The following CLPSL2 variants were observed in gnomAD, a reference collection of about 807,000 sequenced individuals.
The protein encoded by CLPSL2 is colipase like 2, also known as colipase-like protein 2.
A neutral mutation model predicts 7.9 loss-of-function variants in CLPSL2; 4 were observed. The observed-to-expected ratio is 0.50, with a 90% CI of 0.25 to 1.15. The LOEUF (loss-of-function observed/expected upper bound fraction) is 1.15, where lower values mean the gene tolerates loss of function less well. Ranked by LOEUF, CLPSL2 falls within the 50% of genes most tolerant of loss-of-function variation. The probability of loss-of-function intolerance (pLI) is 0.15; values close to 1 mark genes in which losing one functional copy is unlikely to be tolerated. For synonymous variants in CLPSL2, 67 were observed against 53.1 expected (o/e 1.26, Z -1.14); for missense variants, 132 against 136.6 (o/e 0.97, Z 0.17).
chr6:35,776,883 G>C, intron 1 of CLPSL2, 181 bp downstream of exon 1: 2 of 501,902 alleles, frequency 4.0e-6, no homozygotes, highest in Non-Finnish European at 6.7e-6. Flanking sequence ...CTTTCCCCTG[G>C]TGGCCTCAGA....
chr6:35,777,871 C>T (rs1037287822), intron 2 of CLPSL2: 3 of 717,620 alleles, frequency 4.2e-6, no homozygotes, highest in Non-Finnish European at 7.8e-6. Flanking sequence ...TCTTCAAGGG[C>T]AGGGATCGCA....
Position 35,777,543 on chromosome 6 carries a change from GC to G in CLPSL2, c.174del (p.Arg59GlyfsTer4). The G allele has an allele frequency of 1.2e-6, 2 of 1,613,642 alleles. No individual in the cohort carries two copies. Among genetic ancestry groups the G allele is most frequent in the South Asian group, 1.1e-5 (1 of 91,066 alleles). Reference sequence around the variant, plus strand: ...CTTGGACTCCGGTGGAGCCTTCTGTGCCCCCAGGGCCAGAATAACCATGATC... The same window carrying G: ...CTTGGACTCCGGTGGAGCCTTCTGTGCCCCAGGGCCAGAATAACCATGATC... Reference protein sequence around the residue: ...MDLDSGGAFCAPRARITMICL... With the variant: ...MDLDSGGAFCXPRARITMICL... On this transcript the variant is annotated frameshift_variant, in exon 2 of 3. Coordinates refer to ENST00000403376, the MANE Select transcript of CLPSL2 (RefSeq NM_207409.4). LOFTEE classifies it low-confidence loss of function (END_TRUNC).
At position 35,777,475 on chromosome 6, in the gene CLPSL2, G is replaced by T; in HGVS notation, c.101G>T (p.Cys34Phe). 6.2e-7 allele frequency: 1 copy of T among 1,613,720 alleles called. No homozygotes were observed. ...TCCCCACAGAAAATCACAGACAGGT[G>T]CTTCCACCACTCTGAGTGCTACAGT... ...PQYKKKITDR[C>F]FHHSECYSGC... is the part of the protein sequence containing the mutation. The change falls in exon 2 of 3, where the codon TGC becomes TTC. Residue 34 changes from cysteine to phenylalanine, a missense_variant. Coordinates refer to ENST00000403376, the MANE Select transcript of CLPSL2 (RefSeq NM_207409.4).
chr6:35,777,741 C>G (rs1222799057), intron 2 of CLPSL2, 160 bp downstream of exon 2: 1 of 826,070 alleles, frequency 1.2e-6, no homozygotes, highest in Non-Finnish European at 2.0e-6. Flanking sequence ...CAACTCCAGC[C>G]ACCTCCTCTG....
At position 35,779,500 on chromosome 6, in the gene CLPSL2, GCCACCAAC is replaced by G; in HGVS notation, c.*51_*58del. ...TCCCTTGGGGCCATAGGCCCTGGTTGCCACCAACTTGCTCCAAATCCAGCTCCTGAGAC... is the reference window on the plus strand; with the variant it reads ...TCCCTTGGGGCCATAGGCCCTGGTTGTTGCTCCAAATCCAGCTCCTGAGAC... On this transcript the variant is annotated 3_prime_UTR_variant, in exon 3 of 3. Coordinates refer to ENST00000403376, the MANE Select transcript of CLPSL2 (RefSeq NM_207409.4). The G allele has an allele frequency of 6.4e-7, 1 of 1,552,828 alleles. No homozygotes were observed. Among genetic ancestry groups the G allele is most frequent in the Non-Finnish European group, 8.7e-7 (1 of 1,147,438 alleles).
intron 1 of CLPSL2, 58 bp from the exon 2 acceptor site, chr6:35,777,401 C>A: frequency 6.3e-7 from 1 of 1,587,730 alleles, no homozygotes; most frequent in Non-Finnish European, 8.6e-7. Context: ...CTCCCCTACC[C>A]GCCCACACGA....
chr6:35,777,963 T>G (rs1767878473), intron 2 of CLPSL2: 1 of 713,926 alleles, frequency 1.4e-6, no homozygotes, highest in Admixed American at 2.0e-5. Flanking sequence ...TGTTGTTTGT[T>G]TGTTTGTTTC....
intron 1 of CLPSL2, 97 bp from the exon 2 acceptor site, chr6:35,777,362 C>A: frequency 7.2e-7 from 1 of 1,392,476 alleles, no homozygotes; most frequent in Non-Finnish European, 9.9e-7. Context: ...TCTCCTGGAT[C>A]CCTGGGCTCT....
Position 35,779,452 on chromosome 6 carries a change from G to A in CLPSL2, c.*2G>A. The A allele has an allele frequency of 6.4e-7, 1 of 1,573,236 alleles. No individual in the cohort carries two copies. Among genetic ancestry groups the A allele is most frequent in the Non-Finnish European group, 8.6e-7 (1 of 1,158,964 alleles). On this transcript the variant is annotated 3_prime_UTR_variant, in exon 3 of 3. Coordinates refer to ENST00000403376, the MANE Select transcript of CLPSL2 (RefSeq NM_207409.4). ...TCCCGCCGGTGCCATATGATTTAGA[G>A]GAAGATGCAGGCTGGTCACTGCTCC...
chr6:35,778,025 G>A (rs1374147717), intron 2 of CLPSL2: 12 of 636,068 alleles, frequency 1.9e-5, no homozygotes, highest in South Asian at 1.6e-4. Flanking sequence ...GCATGATCTC[G>A]GCTCACTGCA....
At position 35,779,517 on chromosome 6, in the gene CLPSL2, A is replaced by G; in HGVS notation, c.*67A>G. The G allele has an allele frequency of 6.4e-7, 1 of 1,550,854 alleles. No homozygotes were observed. The highest frequency in any genetic ancestry group is 1.2e-5 in the South Asian group (1 of 84,042). ...CCCTGGTTGCCACCAACTTGCTCCAAATCCAGCTCCTGAGACATTAAAGTC... is the reference window on the plus strand; with the variant it reads ...CCCTGGTTGCCACCAACTTGCTCCAGATCCAGCTCCTGAGACATTAAAGTC... On this transcript the variant is annotated 3_prime_UTR_variant, in exon 3 of 3. Transcript: ENST00000403376.
At chr6:35,777,014 A>C (rs1767850418) in intron 1 of CLPSL2, among the ~76,000 whole-genome samples, 2 of 150,000 alleles carry the variant, frequency 1.3e-5, no homozygotes, top group African/African-American at 2.5e-5. Flanking sequence ...AGGCAAACCC[A>C]CCCTGCATGC....
chr6:35,776,674 T>C lies in CLPSL2; in HGVS notation c.56T>C (p.Leu19Pro), dbSNP rs1184092270. 2 of 1,471,952 alleles carry C rather than the reference T, an allele frequency of 1.4e-6. No homozygotes were observed. Among genetic ancestry groups the C allele is most frequent in the African/African-American group, 2.9e-5 (2 of 67,884 alleles). The allele number at this position is 1,471,952 out of a possible 1,614,324, so 91.2% of individuals were successfully genotyped here. A position where few individuals can be genotyped will look rare whatever the true frequency, so the allele number is the denominator to read the frequency against. ...AGVLSGAVLP[L>P]WSALPQYKKK... ...GTCCTGTCGGGGGCGGTGCTGCCCCTCTGGAGCGCGCTTCCGCAATATAAA... is the reference window on the plus strand; with the variant it reads ...GTCCTGTCGGGGGCGGTGCTGCCCCCCTGGAGCGCGCTTCCGCAATATAAA... The change falls in exon 1 of 3, where the codon CTC becomes CCC. Residue 19 changes from leucine (L) to proline (P), a missense_variant. Leu to Pro is a moderately conservative substitution (Grantham distance 98, BLOSUM62 -3). Transcript: ENST00000403376.
At chr6:35,777,312 G>A in intron 1 of CLPSL2, 147 bp from the exon 2 acceptor site, 2 of 817,968 alleles carry the variant, frequency 2.4e-6, no homozygotes, top group Non-Finnish European at 3.8e-6. Flanking sequence ...GTGGGGCTGG[G>A]GGGGGAACCA....
chr6:35,776,866 C>T, intron 1 of CLPSL2, 164 bp downstream of exon 1: 1 of 546,508 alleles, frequency 1.8e-6, no homozygotes, highest in Non-Finnish European at 3.0e-6. Context: ...CTTCAAAAGC[C>T]GCTTCACTTT....
intron 1 of CLPSL2, 44 bp downstream of exon 1, chr6:35,776,746 G>T: frequency 7.4e-7 from 1 of 1,344,832 alleles, no homozygotes; most frequent in South Asian, 1.8e-5. Context: ...CGCAGGAGAG[G>T]GTGGCCCCGC....
intron 2 of CLPSL2, among the ~76,000 whole-genome samples, chr6:35,778,791 T>A (rs1767897296): frequency 2.0e-5 from 3 of 152,002 alleles, no homozygotes; most frequent in Non-Finnish European, 2.9e-5. Flanking sequence ...GCTAGAGGGT[T>A]TTTATTTTTT....
chr6:35,778,892 C>T (rs1364242461), intron 2 of CLPSL2, among the ~76,000 whole-genome samples: 1 of 152,154 alleles, frequency 6.6e-6, no homozygotes, highest in African/African-American at 2.4e-5. Context: ...CTCCTGGGTT[C>T]AAGCAATTCC....
rs1370696000 is a variant in CLPSL2, at chr6:35,776,802, G to T, written c.84+100G>T. 2.7e-6 allele frequency: 3 copies of T among 1,123,900 alleles called. No homozygotes were observed. In the African/African-American group the frequency reaches 4.9e-5, roughly 19 times the overall value. The allele number at this position is 1,123,900 out of a possible 1,614,324, so 69.6% of individuals were successfully genotyped here. A position where few individuals can be genotyped will look rare whatever the true frequency, so the allele number is the denominator to read the frequency against. On this transcript the variant is annotated intron_variant, in intron 1 of 2. Transcript: ENST00000403376. ...AAGGCGCCGGGCAGCCTGAAAGGGA[G>T]AGGTGGGTCCGGAACCACACCCAGG...
Sources: gnomAD v4.1 joint callset for allele counts (sites outside exome capture counted in the v4.1 genomes callset) on GRCh38, gnomAD v4.1.1 for gene constraint, MANE v1.5 for transcripts, NCBI Gene and HGNC (gene_info 2026-07-23, HGNC 2026-07-21) for gene names.